The following ZNF836 variants were observed in gnomAD, a reference collection of about 807,000 sequenced individuals.
ZNF836 encodes the protein zinc finger protein 836.
A neutral mutation model predicts 7.4 loss-of-function variants in ZNF836; 12 were observed. The observed-to-expected ratio is 1.61, with a 90% CI of 1.03 to 2.61. The LOEUF (loss-of-function observed/expected upper bound fraction) is 2.61. Among genes scored for constraint, ZNF836 ranks in the 30% most tolerant of loss-of-function variants. The pLI, the probability that ZNF836 is intolerant of heterozygous loss-of-function variation, is 0.00. For missense variants in ZNF836, 998 were observed against 1,126.2 expected (o/e 0.89, Z 1.63); for synonymous variants, 365 against 382.6 (o/e 0.95, Z 0.54).
rs143466860 is a variant in ZNF836, at chr19:52,161,706, T to C, written c.16-1115A>G. Among the ~76,000 whole-genome samples, 11 of 151,310 alleles carry C rather than the reference T, an allele frequency of 7.3e-5. No individual in the cohort carries two copies. In the East Asian group the frequency reaches 2.1e-3, roughly 29 times the overall value. On this transcript the variant is annotated intron_variant, in intron 3 of 4. Transcript: ENST00000682614. This position sits in a 1 kb window ranked among gnomAD's most constrained non-coding sequence, Gnocchi z 4.1. ...TTCCACCCCTGGCCCCCAAAATTGA[T>C]ATACTTCTCACAAACAAAATACATT...
chr19:52,168,217 T>A, intron 2 of ZNF836, 65 bp from the exon 3 acceptor site: 1 of 1,064,820 alleles, frequency 9.4e-7, no homozygotes, highest in Non-Finnish European at 1.4e-6. Context: ...GCTACAACCA[T>A]GCCCACAGGG....
Position 52,164,348 on chromosome 19 carries a change from G to A in ZNF836, c.15+3710C>T, listed in dbSNP as rs183634102. Among the ~76,000 whole-genome samples, 153 of 148,276 alleles carry A rather than the reference G, an allele frequency of 1.0e-3. 2 individuals are homozygous for A. Among genetic ancestry groups the A allele is most frequent in the Non-Finnish European group, 1.7e-3 (117 of 67,396 alleles). On this transcript the variant is annotated intron_variant, in intron 3 of 4. Transcript: ENST00000682614. ...GCAGAGGTTGCAGTGAGCTGAGATC[G>A]CACCATCGCACTCCAGCCCGGGCAA...
At chr19:52,166,069 G>A (rs997136325) in intron 3 of ZNF836, among the ~76,000 whole-genome samples, 9 of 152,036 alleles carry the variant, frequency 5.9e-5, no homozygotes, top group African/African-American at 2.2e-4. Context: ...TCAGCTCACT[G>A]CAACCTCTGC....
chr19:52,165,418 G>C (rs151267902), intron 3 of ZNF836: 40 of 152,336 alleles, frequency 2.6e-4, no homozygotes, highest in African/African-American at 9.6e-4. Context: ...CAAACTATTA[G>C]TGTTTATTAA....
chr19:52,159,981 G>A (rs1013377562), intron 4 of ZNF836, among the ~76,000 whole-genome samples: 1 of 152,078 alleles, frequency 6.6e-6, no homozygotes, highest in African/African-American at 2.4e-5. Flanking sequence ...TCAGGAGTTT[G>A]AGACCAGCCT....
Position 52,156,445 on chromosome 19 carries a change from G to A in ZNF836, c.1238C>T (p.Pro413Leu). 6.2e-7 allele frequency: 1 copy of A among 1,614,156 alleles called. No individual in the cohort carries two copies. Among genetic ancestry groups the A allele is most frequent in the East Asian group, 2.2e-5 (1 of 44,890 alleles). The change falls in exon 5 of 5, where the codon CCT becomes CTT. Residue 413 changes from proline to leucine, a missense_variant. Transcript: ENST00000682614. ...THQTVHSGNK[P>L]YKCDECGKTF... ...TTTGCCACACTCATCACATTTGTAA[G>A]GTTTGTTTCCACTATGAACTGTCTG...
Position 52,160,206 on chromosome 19 carries a change from A to AAT in ZNF836, c.142+258_142+259insAT. On this transcript the variant is annotated intron_variant, in intron 4 of 4. Coordinates refer to ENST00000682614, the MANE Select transcript of ZNF836 (RefSeq NM_001102657.3). Reference sequence around the variant, plus strand: ...TCCATTAAAAAAAAAAAAAAAAAAAAGTACCATTATACTGACTAATACTTA... The same window carrying AAT: ...TCCATTAAAAAAAAAAAAAAAAAAAAATGTACCATTATACTGACTAATACTTA... 5 of 465,388 alleles carry AAT rather than the reference A, an allele frequency of 1.1e-5. No individual in the cohort carries two copies. In the South Asian group the frequency reaches 1.6e-4, roughly 15 times the overall value. 28.8% of individuals were successfully genotyped at this position (465,388 alleles called of 1,614,324 possible).
At chr19:52,167,855 G>T (rs1228273193) in intron 3 of ZNF836, among the ~76,000 whole-genome samples, 1 of 152,156 alleles carries the variant, frequency 6.6e-6, no homozygotes, top group African/African-American at 2.4e-5. Flanking sequence ...ACCATGCCCA[G>T]TGGAGCCTCT....
rs529168404 is a variant in ZNF836, at chr19:52,155,773, G to T, written c.1910C>A (p.Pro637Gln). 2 of 1,614,046 alleles carry T rather than the reference G, an allele frequency of 1.2e-6. No homozygotes were observed. The highest frequency in any genetic ancestry group is 2.7e-5 in the African/African-American group (2 of 75,020). ...CTTGCCGCATTCGTTACATTGAAACGGCTTCTCTCCAGTATGAATTCTCTT... is the reference window on the plus strand; with the variant it reads ...CTTGCCGCATTCGTTACATTGAAACTGCTTCTCTCCAGTATGAATTCTCTT... ...NHKRIHTGEKPFQCNECGKVF... is the reference protein window; with the variant it reads ...NHKRIHTGEKQFQCNECGKVF... Residue 637 changes from proline (P) to glutamine (Q), a missense_variant, in exon 5 of 5, where the codon CCG becomes CAG. Pro to Gln is a moderately conservative substitution (Grantham distance 76). Transcript: ENST00000682614.
chr19:52,163,764 C>T (rs943079351), intron 3 of ZNF836, among the ~76,000 whole-genome samples: 2 of 151,974 alleles, frequency 1.3e-5, no homozygotes, highest in Non-Finnish European at 1.5e-5. Flanking sequence ...TGCAGTAACA[C>T]GGAAAGACAC....
Position 52,157,382 on chromosome 19 carries a change from G to C in ZNF836, c.301C>G (p.Gln101Glu). 1 of 1,607,884 alleles carries C rather than the reference G, an allele frequency of 6.2e-7. No individual in the cohort carries two copies. The highest frequency in any genetic ancestry group is 8.5e-7 in the Non-Finnish European group (1 of 1,178,526). The change falls in exon 5 of 5, where the codon CAA (glutamine) becomes GAA (glutamate). Residue 101 changes from glutamine (Q) to glutamate (E), a missense_variant. Physicochemically the swap from Gln to Glu is conservative, Grantham distance 29 (BLOSUM62 2). Transcript: ENST00000682614. ...IQKNLQDLEF[Q>E]WKDGEINYKE... ...TAATTTATTTCACCATCTTTCCATT[G>C]AAACTCAAGGTCCTGTAGATTTTTC...
At chr19:52,165,513 T>C (rs1208405327) in intron 3 of ZNF836, 2 of 152,224 alleles carry the variant, frequency 1.3e-5, no homozygotes, top group East Asian at 3.8e-4. Flanking sequence ...TGAAATCTCA[T>C]AATGACGTGT....
At position 52,155,980 on chromosome 19, in the gene ZNF836, T is replaced by A; in HGVS notation, c.1703A>T (p.Asn568Ile). 2 of 1,613,966 alleles carry A rather than the reference T, an allele frequency of 1.2e-6. No individual in the cohort carries two copies. The highest frequency in any genetic ancestry group is 2.2e-5 in the South Asian group (2 of 91,084). Residue 568 changes from asparagine to isoleucine, a missense_variant, in exon 5 of 5, where the codon AAC becomes ATC. Physicochemically the swap from Asn to Ile is moderately radical, Grantham distance 149. Transcript: ENST00000682614. ...ATGTATTCTCTTATGAATTGAAAGG[T>A]TTCCACTGTAATTGAAGACCTTGCC... ...VCGKVFNYSG[N>I]LSIHKRIHTG...
At chr19:52,170,423 T>C (rs1333227681) in intron 1 of ZNF836, 1 of 152,728 alleles carries the variant, frequency 6.5e-6, no homozygotes, top group East Asian at 1.9e-4. Flanking sequence ...CTCCCTGCTG[T>C]GGTTCTCCCT....
At chr19:52,168,313 C>T (rs1445796815) in intron 2 of ZNF836, among the ~76,000 whole-genome samples, 161 bp from the exon 3 acceptor site, 10 of 152,138 alleles carry the variant, frequency 6.6e-5, no homozygotes, top group Non-Finnish European at 1.5e-5. Context: ...AGTGTCCTGG[C>T]ATGGTGGCTC....
rs1942358069 is a variant in ZNF836 at position 52,155,804 on chromosome 19, T to C, written c.1879A>G (p.Asn627Asp). The change falls in exon 5 of 5, where the codon AAT becomes GAT. Residue 627 changes from asparagine (N) to aspartate (D), a missense_variant. By Grantham distance (23) the Asn-to-Asp change is conservative. Coordinates refer to ENST00000682614, the MANE Select transcript of ZNF836 (RefSeq NM_001102657.3). ...TCTCCAGTATGAATTCTCTTATGAT[T>C]TGAAAGGTTTCCACTGTCATTGAAG... ...KVFNDSGNLS[N>D]HKRIHTGEKP... The C allele has an allele frequency of 1.2e-6, 2 of 1,614,014 alleles. No homozygotes were observed. Among genetic ancestry groups the C allele is most frequent in the Non-Finnish European group, 1.7e-6 (2 of 1,179,886 alleles).
chr19:52,154,689 C>G lies in ZNF836; in HGVS notation c.*183G>C. Reference sequence around the variant, plus strand: ...AGCAAAACAAACAAAAAAACAAGATCTCACCAGAACTCACTATCCCAAGAA... The same window carrying G: ...AGCAAAACAAACAAAAAAACAAGATGTCACCAGAACTCACTATCCCAAGAA... On this transcript the variant is annotated 3_prime_UTR_variant, in exon 5 of 5. Transcript: ENST00000682614. 1 of 481,334 alleles carries G rather than the reference C, an allele frequency of 2.1e-6. No individual in the cohort carries two copies. The highest frequency in any genetic ancestry group is 3.5e-6 in the Non-Finnish European group (1 of 284,604). 29.8% of individuals were successfully genotyped at this position (481,334 alleles called of 1,614,324 possible).
chr19:52,161,541 C>T lies in ZNF836; in HGVS notation c.16-950G>A, dbSNP rs73937431. Among the ~76,000 whole-genome samples the T allele has an allele frequency of 3.5e-3, 537 of 152,142 alleles. 1 individual carries two copies. The highest frequency in any genetic ancestry group is 0.012 in the African/African-American group (497 of 41,506). On this transcript the variant is annotated intron_variant, in intron 3 of 4. Transcript: ENST00000682614. The surrounding 1 kb of genome is among the most constrained non-coding windows in gnomAD (Gnocchi z 4.1). ...ATATCTCATTGACGAGAACACCATA[C>T]CCACTGATAAAGGCAGACTTCTCAT...
chr19:52,159,327 A>T (rs1283949863), intron 4 of ZNF836, among the ~76,000 whole-genome samples: 2 of 152,224 alleles, frequency 1.3e-5, no homozygotes, highest in Non-Finnish European at 2.9e-5. Flanking sequence ...TCTTAAGATA[A>T]ATTATCACTA....
Sources: allele counts gnomAD v4.1 joint callset (sites outside exome capture counted in the v4.1 genomes callset), GRCh38; gene constraint gnomAD v4.1.1; non-coding constraint Gnocchi (gnomAD v3.1); transcripts MANE v1.5; gene names NCBI Gene and HGNC (gene_info 2026-07-23, HGNC 2026-07-21).